Variants in MYO5C observed in about 807,000 individuals in gnomAD.
MYO5C encodes myosin VC.
In MYO5C, 194 loss-of-function variants were observed where a neutral mutation model predicts 235.7. The ratio of observed to expected loss-of-function variants is 0.82; its 90% CI spans 0.73 to 0.93. The LOEUF (loss-of-function observed/expected upper bound fraction) is 0.93. MYO5C is among the 40% of genes least tolerant of loss of function. The probability of loss-of-function intolerance (pLI) is 0.00; values close to 1 mark genes in which losing one functional copy is unlikely to be tolerated. For missense variants in MYO5C, 2,038 were observed against 2,127.2 expected (o/e 0.96, Z 0.82); for synonymous variants, 707 against 754.8 (o/e 0.94, Z 1.04).
At position 52,229,174 on chromosome 15, in the gene MYO5C, C is replaced by T; in HGVS notation, c.3166G>A (p.Gly1056Ser). 6.2e-7 allele frequency: 1 copy of T among 1,614,232 alleles called. No homozygotes were observed. The highest frequency in any genetic ancestry group is 8.5e-7 in the Non-Finnish European group (1 of 1,180,052). ...AGGCGGGCCACTTCCGCCTTCAAGC[C>T]ATCAGAAGTGACGTGCTCCCCCTCC... Reference protein sequence around the residue: ...LVEGEHVTSDGLKAEVARLSK... With the variant: ...LVEGEHVTSDSLKAEVARLSK... The change falls in exon 25 of 41, where the codon GGC becomes AGC. Residue 1056 changes from glycine to serine, a missense_variant. Coordinates refer to ENST00000261839, the MANE Select transcript of MYO5C (RefSeq NM_018728.4).
intron 15 of MYO5C, 56 bp from the exon 16 acceptor site, chr15:52,247,070 C>A: frequency 1.3e-6 from 2 of 1,498,254 alleles, no homozygotes; most frequent in Admixed American, 3.7e-5. Context: ...CTGCTTACAT[C>A]ACGGTAAAAA....
intron 4 of MYO5C, chr15:52,277,186 A>G: frequency 1.9e-6 from 1 of 529,192 alleles, no homozygotes; most frequent in Non-Finnish European, 3.9e-6. Context: ...TACAGCCCTG[A>G]GGGACACTAC....
intron 9 of MYO5C, among the ~76,000 whole-genome samples, chr15:52,261,635 AG>A (rs2036698251): frequency 6.6e-6 from 1 of 152,170 alleles, no homozygotes; most frequent in African/African-American, 2.4e-5. Flanking sequence ...CCCATGGCTG[AG>A]CTAGTGCCTC....
chr15:52,205,166 G>C lies in MYO5C; in HGVS notation c.4538-19C>G. 6.2e-7 allele frequency: 1 copy of C among 1,609,610 alleles called. No individual in the cohort carries two copies. ...CCCGGAACTGCGGAGAGACAGGGAGGCTGTGCTGACACGCCAGGAGACACA... is the reference window on the plus strand; with the variant it reads ...CCCGGAACTGCGGAGAGACAGGGAGCCTGTGCTGACACGCCAGGAGACACA... On this transcript the variant is annotated intron_variant, in intron 37 of 40. Transcript: ENST00000261839.
At chr15:52,247,087 C>A in intron 15 of MYO5C, 73 bp from the exon 16 acceptor site, 1 of 1,337,056 alleles carries the variant, frequency 7.5e-7, no homozygotes, top group South Asian at 1.3e-5. Context: ...AAAAGCAGCC[C>A]AACCTTGTTA....
At chr15:52,206,922 C>T (rs1458080622) in intron 36 of MYO5C, among the ~76,000 whole-genome samples, 1 of 152,186 alleles carries the variant, frequency 6.6e-6, no homozygotes, top group African/African-American at 2.4e-5. Flanking sequence ...CACTTGAAGT[C>T]AGGAGTTCAA....
chr15:52,236,470 T>C (rs2036087604), intron 22 of MYO5C, among the ~76,000 whole-genome samples: 1 of 151,976 alleles, frequency 6.6e-6, no homozygotes, highest in South Asian at 2.1e-4. Context: ...AGGTCAGGAG[T>C]TCGAGACCAG....
chr15:52,233,735 T>C (rs1340553496), intron 23 of MYO5C, among the ~76,000 whole-genome samples: 3 of 152,162 alleles, frequency 2.0e-5, no homozygotes, highest in Non-Finnish European at 2.9e-5. Flanking sequence ...CAACCCCACA[T>C]TCCCAACACA....
Position 52,193,779 on chromosome 15 carries a change from G to A in MYO5C, c.*123C>T. ...GAGTGAGAGATGATGTGGTCCATTT[G>A]AGAAAAGTCTGTTTTCTTCCTTAAA... is the stretch of plus-strand genomic sequence containing the variant. On this transcript the variant is annotated 3_prime_UTR_variant, in exon 41 of 41. Transcript: ENST00000261839. 1 of 1,044,176 alleles carries A rather than the reference G, an allele frequency of 9.6e-7. No homozygotes were observed. The highest frequency in any genetic ancestry group is 1.6e-5 in the South Asian group (1 of 63,576). 64.7% of individuals were successfully genotyped at this position (1,044,176 alleles called of 1,614,324 possible).
At chr15:52,284,401 T>C (rs557037507) in intron 1 of MYO5C, among the ~76,000 whole-genome samples, 1 of 147,942 alleles carries the variant, frequency 6.8e-6, no homozygotes, top group South Asian at 2.3e-4. Flanking sequence ...AACTAAAGCA[T>C]GCTGGGAAAA....
At chr15:52,295,589 G>C in intron 1 of MYO5C, 21 bp downstream of exon 1, 2 of 1,500,200 alleles carry the variant, frequency 1.3e-6, no homozygotes, top group Non-Finnish European at 1.8e-6. Flanking sequence ...GCGCTCCCAG[G>C]AGCCCAGCGG....
chr15:52,264,774 C>A (rs1203877142), intron 8 of MYO5C, among the ~76,000 whole-genome samples: 1 of 152,156 alleles, frequency 6.6e-6, no homozygotes, highest in Non-Finnish European at 1.5e-5. Flanking sequence ...TGCCCTCTGG[C>A]CTTTGGTTGG....
At chr15:52,210,086 C>T (rs1308313427) in intron 35 of MYO5C, among the ~76,000 whole-genome samples, 1 of 152,166 alleles carries the variant, frequency 6.6e-6, no homozygotes, top group African/African-American at 2.4e-5. Context: ...ACCTCAGCTT[C>T]CTGAGTAGCT....
chr15:52,204,736 C>T (rs16964764), intron 38 of MYO5C, 129 bp downstream of exon 38: 64,464 of 1,152,694 alleles, frequency 0.056, 2,064 homozygotes, highest in African/African-American at 0.091. Context: ...ACTCGAATAT[C>T]CCTACAGCAG....
Position 52,225,060 on chromosome 15 carries a change from T to C in MYO5C, c.3365+15A>G. The C allele has an allele frequency of 6.2e-7, 1 of 1,614,058 alleles. No homozygotes were observed. Among genetic ancestry groups the C allele is most frequent in the Non-Finnish European group, 8.5e-7 (1 of 1,179,960 alleles). On this transcript the variant is annotated intron_variant, in intron 27 of 40. Coordinates refer to ENST00000261839, the MANE Select transcript of MYO5C (RefSeq NM_018728.4). ...TTACATGTCTTAAAATGTTTGATAATGCAAAAATGATTACCTGCTTCTTAC... is the reference window on the plus strand; with the variant it reads ...TTACATGTCTTAAAATGTTTGATAACGCAAAAATGATTACCTGCTTCTTAC...
chr15:52,249,215 C>T (rs1269550857), intron 13 of MYO5C, among the ~76,000 whole-genome samples: 1 of 152,198 alleles, frequency 6.6e-6, no homozygotes, highest in Admixed American at 6.5e-5. Flanking sequence ...GAAAAACCGA[C>T]CAGCTGACCA....
chr15:52,228,780 G>A (rs2035886365), intron 25 of MYO5C, among the ~76,000 whole-genome samples: 1 of 152,038 alleles, frequency 6.6e-6, no homozygotes. Context: ...TTGATAATAA[G>A]GTAACTTAAC....
At chr15:52,214,066 G>T (rs1487802143) in intron 33 of MYO5C, among the ~76,000 whole-genome samples, 2 of 152,200 alleles carry the variant, frequency 1.3e-5, no homozygotes. Flanking sequence ...AATAAAGAAT[G>T]AAAGAGTGAG....
chr15:52,286,277 G>C (rs2037268406), intron 1 of MYO5C, among the ~76,000 whole-genome samples: 1 of 148,682 alleles, frequency 6.7e-6, no homozygotes, highest in Non-Finnish European at 1.5e-5. Context: ...GTGGGGGTCA[G>C]CCCCCCGCCC....
Sources: allele counts gnomAD v4.1 joint callset (sites outside exome capture counted in the v4.1 genomes callset), GRCh38; gene constraint gnomAD v4.1.1; transcripts MANE v1.5; gene names NCBI Gene and HGNC (gene_info 2026-07-23, HGNC 2026-07-21).